The following RNF212B variants were observed in gnomAD, a reference collection of about 807,000 sequenced individuals.
The protein encoded by RNF212B is E3 ubiquitin-protein ligase RNF212B.
Under a neutral mutation model 55.5 loss-of-function variants are expected in RNF212B, and 52 were observed. The ratio of observed to expected loss-of-function variants is 0.94; its 90% CI spans 0.75 to 1.18. The LOEUF is 1.18. Ranked by LOEUF, RNF212B falls within the 50% of genes most tolerant of loss-of-function variation. The pLI, the probability that RNF212B is intolerant of heterozygous loss-of-function variation, is 0.00. For missense variants in RNF212B, 289 were observed against 350.4 expected, an observed-to-expected ratio of 0.82 and a Z score of 1.40; for synonymous variants, 99 against 121.4, an observed-to-expected ratio of 0.82 and a Z score of 1.21.
chr14:23,191,069 G>A (rs1256359695), intron 1 of RNF212B, among the ~76,000 whole-genome samples: 5 of 152,146 alleles, frequency 3.3e-5, no homozygotes, highest in Non-Finnish European at 5.9e-5. Flanking sequence ...AAAGTCCATC[G>A]CAGGCTGCGC....
intron 2 of RNF212B, among the ~76,000 whole-genome samples, chr14:23,226,346 C>T (rs906302503): frequency 6.7e-6 from 1 of 148,368 alleles, no homozygotes; most frequent in Non-Finnish European, 1.5e-5. Context: ...AATAGGAACA[C>T]GGGGCCGGGC....
chr14:23,247,645 A>G (rs1024596578), intron 4 of RNF212B, among the ~76,000 whole-genome samples: 1 of 152,178 alleles, frequency 6.6e-6, no homozygotes, highest in South Asian at 2.1e-4. Context: ...ATATAAATGG[A>G]TATACATTTT....
At chr14:23,258,796 G>T (rs1332012795) in intron 5 of RNF212B, 132 bp downstream of exon 5, 1 of 445,110 alleles carries the variant, frequency 2.2e-6, no homozygotes, top group African/African-American at 2.1e-5. Flanking sequence ...ATCAGGTACA[G>T]AATTTTTGAT....
In RNF212B at chr14:23,219,371, G is replaced by A. The variant is rs182364250; in HGVS notation, c.-1-20974G>A. ...GAACTAATAAAAAATAACAACAACA[G>A]CTTTTTAAGACAAAGACAGTGCAAT... On this transcript the variant is annotated intron_variant, in intron 2 of 15. Coordinates refer to the RNF212B transcript ENST00000399910. Among the ~76,000 whole-genome samples the A allele has an allele frequency of 8.7e-3, 1,324 of 151,954 alleles. 25 individuals are homozygous for A. Among genetic ancestry groups the A allele is most frequent in the African/African-American group, 0.03 (1,250 of 41,496 alleles).
chr14:23,268,834 T>C (rs1277573601), intron 11 of RNF212B, 90 bp from the exon 12 acceptor site: 13 of 1,085,732 alleles, frequency 1.2e-5, no homozygotes, highest in Non-Finnish European at 1.6e-5. Context: ...AAATCTTTTA[T>C]CTCCATTTCC....
Position 23,273,009 on chromosome 14 carries a change from G to A in RNF212B, c.*118G>A, listed in dbSNP as rs983009424. 1.2e-5 allele frequency: 7 copies of A among 602,196 alleles called. No individual in the cohort carries two copies. The highest frequency in any genetic ancestry group is 6.7e-5 in the Admixed American group (2 of 29,868). The allele number at this position is 602,196 out of a possible 1,614,324, so 37.3% of individuals were successfully genotyped here. ...CTGCATTGTTTCCTAGTTTCACTCT[G>A]TACCTTATGCTCCCCCCATCTTTAC... On this transcript the variant is annotated 3_prime_UTR_variant, in exon 15 of 15. Coordinates refer to ENST00000430154, the MANE Select transcript of RNF212B (RefSeq NM_001282322.3).
intron 11 of RNF212B, among the ~76,000 whole-genome samples, chr14:23,266,760 G>A (rs540096361): frequency 6.6e-6 from 1 of 152,294 alleles, no homozygotes; most frequent in South Asian, 2.1e-4. Context: ...CTATCCTGGA[G>A]AATGCTCCAT....
chr14:23,217,582 A>G (rs1881210833), intron 2 of RNF212B, among the ~76,000 whole-genome samples: 1 of 151,932 alleles, frequency 6.6e-6, no homozygotes, highest in Non-Finnish European at 1.5e-5. Context: ...GAGAGCTTCC[A>G]TTTTGGGGTG....
At chr14:23,229,270 G>C (rs1337385670) in intron 2 of RNF212B, among the ~76,000 whole-genome samples, 1 of 82,314 alleles carries the variant, frequency 1.2e-5, no homozygotes, top group African/African-American at 4.3e-5. Context: ...ATACCACATT[G>C]TTTATCCATT....
At chr14:23,220,947 G>A (rs560451634) in intron 2 of RNF212B, among the ~76,000 whole-genome samples, 1 of 151,832 alleles carries the variant, frequency 6.6e-6, no homozygotes, top group Non-Finnish European at 1.5e-5. Flanking sequence ...AGGAAGAGAA[G>A]ACTGTAAAAC....
intron 2 of RNF212B, among the ~76,000 whole-genome samples, chr14:23,218,744 G>A (rs1302149391): frequency 1.3e-5 from 2 of 152,202 alleles, no homozygotes; most frequent in Admixed American, 6.5e-5. Flanking sequence ...TAAAGAGGAG[G>A]TAGAGAAAGA....
intron 1 of RNF212B, among the ~76,000 whole-genome samples, chr14:23,188,789 G>C (rs913800366): frequency 6.6e-6 from 1 of 152,100 alleles, no homozygotes; most frequent in Non-Finnish European, 1.5e-5. Context: ...TAAAGATGTA[G>C]ATGACAAGTT....
At chr14:23,226,317 T>A (rs1420340454) in intron 2 of RNF212B, among the ~76,000 whole-genome samples, 103 of 101,660 alleles carry the variant, frequency 1.0e-3, no homozygotes, top group African/African-American at 3.3e-3. Flanking sequence ...AAAAAAAAAA[T>A]TAAATAAATA....
intron 2 of RNF212B, among the ~76,000 whole-genome samples, chr14:23,224,515 T>C (rs1881841890): frequency 6.6e-6 from 1 of 152,194 alleles, no homozygotes. Flanking sequence ...GACAGTCTCT[T>C]CAGCAAATAG....
chr14:23,225,083 A>C lies in RNF212B; in HGVS notation c.-1-15262A>C, dbSNP rs191825632. Among the ~76,000 whole-genome samples the C allele has an allele frequency of 5.8e-3, 874 of 151,324 alleles. 12 individuals carry two copies. The highest frequency in any genetic ancestry group is 0.017 in the African/African-American group (719 of 41,308). ...AGACACCTTGATGCCACCCCACACA[A>C]AAAAAAAACACCTACAATAAGATAT... On this transcript the variant is annotated intron_variant, in intron 2 of 15. Coordinates refer to the RNF212B transcript ENST00000399910.
intron 2 of RNF212B, among the ~76,000 whole-genome samples, chr14:23,231,168 A>G (rs1022384113): frequency 1.3e-5 from 2 of 152,168 alleles, no homozygotes; most frequent in Non-Finnish European, 2.9e-5. Flanking sequence ...TGGAATTTTG[A>G]TAGGGATGAC....
chr14:23,234,658 G>T (rs970160121), upstream of RNF212B, among the ~76,000 whole-genome samples: 4 of 152,282 alleles, frequency 2.6e-5, 1 homozygote, highest in South Asian at 6.2e-4. Context: ...TGGTCTACAC[G>T]TTTATGCACC....
At chr14:23,229,828 GA>G (rs1566412856) in intron 2 of RNF212B, 1 of 152,244 alleles carries the variant, frequency 6.6e-6, no homozygotes. Context: ...AGCAAATAAA[GA>G]AACAGAAAAA....
chr14:23,260,018 T>A, intron 6 of RNF212B, 74 bp downstream of exon 6: 1 of 701,100 alleles, frequency 1.4e-6, no homozygotes, highest in Non-Finnish European at 2.3e-6. Flanking sequence ...CTGTATAGAA[T>A]AGTGTTTCCT....
Sources: gnomAD v4.1 joint callset for allele counts (sites outside exome capture counted in the v4.1 genomes callset) on GRCh38, gnomAD v4.1.1 for gene constraint, MANE v1.5 for transcripts, NCBI Gene and HGNC (gene_info 2026-07-23, HGNC 2026-07-21) for gene names.